TTC6: variants seen among roughly 807,000 people sequenced by gnomAD.
TTC6 encodes the protein tetratricopeptide repeat domain 6.
Under a neutral mutation model 210.4 loss-of-function variants are expected in TTC6, and 172 were observed. The ratio of observed to expected loss-of-function variants is 0.82; its 90% CI spans 0.72 to 0.93. TTC6 has a LOEUF of 0.93. Among genes scored for constraint, TTC6 ranks in the 40% least tolerant of loss-of-function variants. The probability of loss-of-function intolerance (pLI) is 0.00; values close to 1 mark genes in which losing one functional copy is unlikely to be tolerated. For synonymous variants in TTC6, 804 were observed against 819.6 expected, an observed-to-expected ratio of 0.98 and a Z score of 0.32; for missense variants, 2,414 against 2,318.1, an observed-to-expected ratio of 1.04 and a Z score of -0.85.
chr14:37,771,424 G>A (rs2096018285), intron 14 of TTC6, among the ~76,000 whole-genome samples: 3 of 152,126 alleles, frequency 2.0e-5, no homozygotes, highest in South Asian at 2.1e-4. Flanking sequence ...CATTCTCCCT[G>A]TCACTTTCAG....
chr14:37,806,975 T>C (rs369487166), intron 22 of TTC6, among the ~76,000 whole-genome samples: 17 of 152,278 alleles, frequency 1.1e-4, no homozygotes, highest in African/African-American at 4.1e-4. Context: ...ATAATGGCAG[T>C]GTGGTTATGT....
chr14:37,687,323 C>T (rs1329036327), intron 3 of TTC6, among the ~76,000 whole-genome samples: 2 of 152,200 alleles, frequency 1.3e-5, no homozygotes, highest in Non-Finnish European at 2.9e-5. Flanking sequence ...TCTCAGTGTT[C>T]GGAGCTTGAT....
intron 6 of TTC6, 81 bp downstream of exon 8, chr14:37,714,877 T>C (rs890456765): frequency 7.5e-7 from 1 of 1,330,576 alleles, no homozygotes; most frequent in African/African-American, 1.5e-5. Context: ...TTTTTCACTC[T>C]TAAAAATTAT....
At chr14:37,686,498 T>G (rs1351506388) in intron 3 of TTC6, among the ~76,000 whole-genome samples, 2 of 152,210 alleles carry the variant, frequency 1.3e-5, no homozygotes, top group Non-Finnish European at 2.9e-5. Context: ...CTGTGTCCAA[T>G]TCAATAAATT....
At chr14:37,647,128 A>G (rs967602745) in intron 1 of TTC6, among the ~76,000 whole-genome samples, 1 of 152,204 alleles carries the variant, frequency 6.6e-6, no homozygotes, top group Non-Finnish European at 1.5e-5. Context: ...TCTAGGGACT[A>G]GTACTGTCCC....
chr14:37,683,959 T>G (rs2095789214), intron 3 of TTC6, among the ~76,000 whole-genome samples: 1 of 152,116 alleles, frequency 6.6e-6, no homozygotes, highest in Non-Finnish European at 1.5e-5. Context: ...TTCAGATGGA[T>G]GCCTCTCTGG....
At chr14:37,801,010 A>T (rs1313307323) in intron 20 of TTC6, among the ~76,000 whole-genome samples, 2 of 152,206 alleles carry the variant, frequency 1.3e-5, no homozygotes, top group Non-Finnish European at 2.9e-5. Flanking sequence ...AAATGTTTTG[A>T]AACCTAATCA....
At chr14:37,701,374 C>T in exon 5 of TTC6, 1 of 1,519,496 alleles carries the variant, frequency 6.6e-7, no homozygotes, top group South Asian at 1.2e-5. Context: ...ATGATCTGTG[C>T]ACCACCATCC....
intron 5 of TTC6, among the ~76,000 whole-genome samples, chr14:37,704,491 A>G (rs1049911278): frequency 1.3e-5 from 2 of 151,788 alleles, no homozygotes; most frequent in Non-Finnish European, 2.9e-5. Context: ...ATTTTTATCC[A>G]TTTCTTGTAA....
At chr14:37,840,585 T>C (rs2096207697) in intron 29 of TTC6, among the ~76,000 whole-genome samples, 1 of 152,024 alleles carries the variant, frequency 6.6e-6, no homozygotes, top group Admixed American at 6.6e-5. Flanking sequence ...TGAACATAGA[T>C]GCGACAATCC....
At chr14:37,613,168 T>A (rs2139259736) in intron 2 of TTC6, among the ~76,000 whole-genome samples, 1 of 152,272 alleles carries the variant, frequency 6.6e-6, no homozygotes. Flanking sequence ...CTAGAGCTAC[T>A]AATTTATTTT....
chr14:37,622,282 C>G (rs1252839625), exon 1 of TTC6: 1 of 1,535,036 alleles, frequency 6.5e-7, no homozygotes, highest in Non-Finnish European at 8.7e-7. Context: ...GCCCGGACGT[C>G]GAGAAGATAC....
At chr14:37,804,152 CTT>C (rs138016295) in intron 20 of TTC6, among the ~76,000 whole-genome samples, 2,131 of 152,156 alleles carry the variant, frequency 0.014, 62 homozygotes, top group African/African-American at 0.047. Flanking sequence ...ACTTTTGACT[CTT>C]TTGAATAAAT....
chr14:37,710,576 A>G (rs1263519637), intron 5 of TTC6, among the ~76,000 whole-genome samples: 1 of 152,112 alleles, frequency 6.6e-6, no homozygotes, highest in Non-Finnish European at 1.5e-5. Context: ...CTTTCTTAGC[A>G]TATTCTGTGT....
At chr14:37,819,312 C>T (rs940103970) in intron 26 of TTC6, among the ~76,000 whole-genome samples, 1 of 151,818 alleles carries the variant, frequency 6.6e-6, no homozygotes, top group Non-Finnish European at 1.5e-5. Context: ...ACCACAGATG[C>T]ATGGACTGTA....
At chr14:37,675,764 T>A (rs990098922) in intron 1 of TTC6, among the ~76,000 whole-genome samples, 2 of 148,574 alleles carry the variant, frequency 1.3e-5, no homozygotes, top group African/African-American at 2.5e-5. Flanking sequence ...TTTTTTTTTT[T>A]ATAGCCATCC....
intron 7 of TTC6, among the ~76,000 whole-genome samples, chr14:37,732,474 C>T (rs1335869964): frequency 4.6e-5 from 7 of 151,054 alleles, no homozygotes; most frequent in Non-Finnish European, 7.4e-5. Flanking sequence ...TGAGCCACCA[C>T]GCCCGGCCTT....
intron 1 of TTC6, among the ~76,000 whole-genome samples, chr14:37,652,755 T>A (rs2095715302): frequency 1.3e-5 from 2 of 152,302 alleles, no homozygotes; most frequent in South Asian, 4.1e-4. Flanking sequence ...AGAAGATTTG[T>A]TGATTCCTAT....
At chr14:37,633,673 G>A (rs1240465290) in intron 1 of TTC6, among the ~76,000 whole-genome samples, 1 of 152,198 alleles carries the variant, frequency 6.6e-6, no homozygotes, top group Non-Finnish European at 1.5e-5. Flanking sequence ...CTTCCCAGTG[G>A]GATGGAGACA....
Sources: allele counts gnomAD v4.1 joint callset (sites outside exome capture counted in the v4.1 genomes callset), GRCh38; gene constraint gnomAD v4.1.1; transcripts MANE v1.5; gene names NCBI Gene and HGNC (gene_info 2026-07-23, HGNC 2026-07-21).